PPARGC1B: variants seen among roughly 807,000 people sequenced by gnomAD.
The protein encoded by PPARGC1B is PPARG coactivator 1 beta, also known as peroxisome proliferator-activated receptor gamma coactivator 1-beta.
In PPARGC1B, 34 loss-of-function variants were observed where a neutral mutation model predicts 101.6. The ratio of observed to expected loss-of-function variants is 0.33; its 90% CI spans 0.25 to 0.45. The LOEUF is 0.45. Ranked by LOEUF, PPARGC1B falls within the 20% of genes least tolerant of loss-of-function variation. PPARGC1B has a pLI of 1.00. For synonymous variants in PPARGC1B, 548 were observed against 539.3 expected (o/e 1.02, Z -0.22); for missense variants, 1,234 against 1,317.6 (o/e 0.94, Z 0.98).
At chr5:149,857,518 T>A (rs1160408559), downstream of PPARGC1B, among the ~76,000 whole-genome samples, 2 of 152,242 alleles carry the variant, frequency 1.3e-5, no homozygotes, top group Non-Finnish European at 2.9e-5. Flanking sequence ...GTGATGTTCT[T>A]AGGACAGGCC....
chr5:149,769,453 C>T (rs559768074), intron 1 of PPARGC1B, among the ~76,000 whole-genome samples: 1 of 152,318 alleles, frequency 6.6e-6, no homozygotes, highest in East Asian at 1.9e-4. Context: ...GAGGCACGTT[C>T]CCACTGATTC....
intron 1 of PPARGC1B, among the ~76,000 whole-genome samples, chr5:149,777,371 T>C (rs1756403825): frequency 3.9e-5 from 6 of 152,118 alleles, no homozygotes. Flanking sequence ...ACCTGTTCCC[T>C]TCCTCCCCCC....
chr5:149,820,094 A>G (rs906574115), intron 1 of PPARGC1B, among the ~76,000 whole-genome samples: 1 of 152,222 alleles, frequency 6.6e-6, no homozygotes, highest in African/African-American at 2.4e-5. Flanking sequence ...AAGTGGGGAC[A>G]TATGTGTAAA....
chr5:149,797,255 G>A (rs1757259833), intron 1 of PPARGC1B, among the ~76,000 whole-genome samples: 1 of 152,182 alleles, frequency 6.6e-6, no homozygotes. Flanking sequence ...GTGTTACAAT[G>A]CTTTAAACCT....
At chr5:149,778,555 C>T (rs956998211) in intron 1 of PPARGC1B, among the ~76,000 whole-genome samples, 7 of 152,138 alleles carry the variant, frequency 4.6e-5, no homozygotes, top group African/African-American at 1.7e-4. Flanking sequence ...CAGCTGCTTG[C>T]GGCTGCCATT....
At chr5:149,760,656 C>T (rs1755685421) in intron 1 of PPARGC1B, among the ~76,000 whole-genome samples, 1 of 152,192 alleles carries the variant, frequency 6.6e-6, no homozygotes, top group Non-Finnish European at 1.5e-5. Context: ...AGCCCAAATG[C>T]TATGCTTATG....
Position 149,851,081 on chromosome 5 carries a change from C to G in PPARGC1B, c.*3523C>G, listed in dbSNP as rs1205566932. ...CTTGCAGCATGGAGTGTCATATGTA[C>G]TCAGGAGAGAGGCAGGGCTTTGCGG... is the stretch of plus-strand genomic sequence containing the variant. On this transcript the variant is annotated 3_prime_UTR_variant, in exon 12 of 12. Transcript: ENST00000309241. The G allele has an allele frequency of 6.6e-6, 1 of 152,040 alleles. No individual in the cohort carries two copies. Among genetic ancestry groups the G allele is most frequent in the African/African-American group, 2.4e-5 (1 of 41,354 alleles). 9.4% of individuals were successfully genotyped at this position (152,040 alleles called of 1,614,324 possible). A position where few individuals can be genotyped will look rare whatever the true frequency, so the allele number is the denominator to read the frequency against.
intron 1 of PPARGC1B, among the ~76,000 whole-genome samples, chr5:149,811,504 G>T (rs995233933): frequency 6.6e-6 from 1 of 152,172 alleles, no homozygotes; most frequent in Non-Finnish European, 1.5e-5. Context: ...TATCGAGTGG[G>T]TTTGGGAAGA....
At chr5:149,779,748 G>A (rs886084707) in intron 1 of PPARGC1B, among the ~76,000 whole-genome samples, 1 of 152,174 alleles carries the variant, frequency 6.6e-6, no homozygotes, top group African/African-American at 2.4e-5. Context: ...CAGGTGTGCT[G>A]GGGAGGAAGA....
chr5:149,833,127 C>T lies in PPARGC1B; in HGVS notation c.1054C>T (p.Leu352Phe). 3 of 1,613,824 alleles carry T rather than the reference C, an allele frequency of 1.9e-6. No individual in the cohort carries two copies. The highest frequency in any genetic ancestry group is 2.5e-6 in the Non-Finnish European group (3 of 1,180,034). ...GAGGGAACTTCTGGCTCAAGACGTG[C>T]TCTGTGATGTCAGCAAACCCTACCG... ...ILRELLAQDV[L>F]CDVSKPYRLA... The change falls in exon 5 of 12, where the codon CTC (leucine) becomes TTC (phenylalanine). Residue 352 changes from leucine to phenylalanine, a missense_variant. Physicochemically the swap from Leu to Phe is conservative, Grantham distance 22. This residue lies in a region of PPARGC1B where 734 missense variants were observed against 768.4 expected (regional missense o/e 0.96). Transcript: ENST00000309241. This position sits in a 1 kb window ranked among gnomAD's most constrained non-coding sequence, Gnocchi z 4.1.
chr5:149,797,319 A>G (rs1473860949), intron 1 of PPARGC1B, among the ~76,000 whole-genome samples: 16 of 152,242 alleles, frequency 1.1e-4, no homozygotes. Context: ...CTTTGTTTTC[A>G]TGAATCTCTA....
chr5:149,747,202 G>GT (rs1460592991), intron 1 of PPARGC1B, among the ~76,000 whole-genome samples: 1 of 151,970 alleles, frequency 6.6e-6, no homozygotes, highest in Admixed American at 6.6e-5. Context: ...TGCCTGCTTT[G>GT]TTTTTTTCTA....
intron 1 of PPARGC1B, among the ~76,000 whole-genome samples, chr5:149,755,888 C>T (rs1755502905): frequency 1.3e-5 from 2 of 152,116 alleles, no homozygotes; most frequent in African/African-American, 4.8e-5. Flanking sequence ...AGGTAATCCA[C>T]CCGCCTTGGC....
chr5:149,838,778 TG>T (rs556697341), intron 8 of PPARGC1B, among the ~76,000 whole-genome samples: 8 of 152,214 alleles, frequency 5.3e-5, no homozygotes, highest in Non-Finnish European at 1.2e-4. Flanking sequence ...TTGGGTAACC[TG>T]GCTCCTGCTC....
chr5:149,745,664 A>C (rs1014333178), intron 1 of PPARGC1B, among the ~76,000 whole-genome samples: 10 of 152,292 alleles, frequency 6.6e-5, no homozygotes, highest in Non-Finnish European at 1.0e-4. Context: ...CTTCTTTATC[A>C]GGCATTTCCA....
intron 1 of PPARGC1B, among the ~76,000 whole-genome samples, chr5:149,731,723 G>C (rs1486386988): frequency 6.6e-6 from 1 of 152,242 alleles, no homozygotes; most frequent in African/African-American, 2.4e-5. Context: ...TGGGCGGGGA[G>C]AGGCTTGCAA....
At chr5:149,750,456 ATAT>A (rs1561851644) in intron 1 of PPARGC1B, among the ~76,000 whole-genome samples, 10 of 4,368 alleles carry the variant, frequency 2.3e-3, no homozygotes, top group African/African-American at 5.6e-3. Context: ...TAGTTAAAAT[ATAT>A]ATATATATAT....
chr5:149,797,728 C>T (rs1319284281), intron 1 of PPARGC1B, among the ~76,000 whole-genome samples: 1 of 152,182 alleles, frequency 6.6e-6, no homozygotes. Context: ...CGAGACCAGC[C>T]TGGCCAACAT....
intron 8 of PPARGC1B, among the ~76,000 whole-genome samples, chr5:149,838,111 G>A (rs1759182353): frequency 6.6e-6 from 1 of 151,862 alleles, no homozygotes; most frequent in African/African-American, 2.4e-5. Context: ...AAAGGGACTA[G>A]CAAAAAAAAA....
Sources: allele counts gnomAD v4.1 joint callset (sites outside exome capture counted in the v4.1 genomes callset), GRCh38; gene constraint gnomAD v4.1.1; regional missense constraint gnomAD v4.1.1; non-coding constraint Gnocchi (gnomAD v3.1); transcripts MANE v1.5; gene names NCBI Gene and HGNC (gene_info 2026-07-23, HGNC 2026-07-21).